SPSB1: variants seen among roughly 807,000 people sequenced by gnomAD.
The protein encoded by SPSB1 is splA/ryanodine receptor domain and SOCS box containing 1.
A neutral mutation model predicts 21.2 loss-of-function variants in SPSB1; 8 were observed. That is an observed-to-expected ratio of 0.38 (90% CI 0.22 to 0.68). The LOEUF is 0.68. SPSB1 is among the 30% of genes least tolerant of loss of function. SPSB1 has a pLI of 0.53. For synonymous variants in SPSB1, 169 were observed against 161.7 expected, an observed-to-expected ratio of 1.05 and a Z score of -0.34; for missense variants, 242 against 377.8, an observed-to-expected ratio of 0.64 and a Z score of 2.98.
In SPSB1 at chr1:9,345,517, C is replaced by T. The variant is rs151179247; in HGVS notation, c.-149-10226C>T. ...CTTTTGGGAAGGTTGCTGTGTGTCCCTGGGGTCCCTCAAGAACTGGCTTCT... is the reference window on the plus strand; with the variant it reads ...CTTTTGGGAAGGTTGCTGTGTGTCCTTGGGGTCCCTCAAGAACTGGCTTCT... On this transcript the variant is annotated intron_variant, in intron 1 of 2. Transcript: ENST00000328089. The surrounding 1 kb of genome is among the most constrained non-coding windows in gnomAD (Gnocchi z 4.8). Among the ~76,000 whole-genome samples, 493 of 152,324 alleles carry T rather than the reference C, an allele frequency of 3.2e-3. 4 individuals are homozygous for T. The highest frequency in any genetic ancestry group is 0.011 in the African/African-American group (448 of 41,580).
At chr1:9,301,758 A>G (rs558196361) in intron 1 of SPSB1, among the ~76,000 whole-genome samples, 15 of 152,330 alleles carry the variant, frequency 9.8e-5, no homozygotes, top group African/African-American at 3.1e-4. Flanking sequence ...CGACCTGGCT[A>G]TGGCTACCAC....
intron 1 of SPSB1, among the ~76,000 whole-genome samples, chr1:9,312,307 ACG>A (rs1639533582): frequency 6.6e-6 from 1 of 152,036 alleles, no homozygotes; most frequent in African/African-American, 2.4e-5. Context: ...GATTACAGGC[ACG>A]AGCCATTGTG....
rs558821925 is a variant in SPSB1, at chr1:9,344,360, C to T, written c.-149-11383C>T. ...GGTTGGGACCCCACTTTGAGAACCA[C>T]TCCTGTAAAACAGGGCCTTTCCATC... On this transcript the variant is annotated intron_variant, in intron 1 of 2. Coordinates refer to ENST00000328089, the MANE Select transcript of SPSB1 (RefSeq NM_025106.4). 2.6e-5 allele frequency among the ~76,000 whole-genome samples: 4 copies of T among 152,324 alleles called. No homozygotes were observed. The East Asian group carries it at 5.8e-4, about 22-fold the overall frequency.
At position 9,356,664 on chromosome 1, in the gene SPSB1, A is replaced by G; in HGVS notation, c.694+79A>G. The G allele has an allele frequency of 6.6e-7, 1 of 1,511,632 alleles. No individual in the cohort carries two copies. The highest frequency in any genetic ancestry group is 2.2e-5 in the Admixed American group (1 of 45,556). 93.6% of individuals were successfully genotyped at this position (1,511,632 alleles called of 1,614,324 possible). The stretch of plus-strand genomic sequence containing the variant: ...CTGGCTGGGCTCAGGCCAAAAGTTG[A>G]TTCATTGGAACTAGAGTGTTTTGAA... On this transcript the variant is annotated intron_variant, in intron 2 of 2. Transcript: ENST00000328089. The surrounding 1 kb of genome is among the most constrained non-coding windows in gnomAD (Gnocchi z 7.4).
At position 9,310,679 on chromosome 1, in the gene SPSB1, G is replaced by T. The variant is rs369470511; in HGVS notation, c.-150+17608G>T. Among the ~76,000 whole-genome samples, 84 of 152,008 alleles carry T rather than the reference G, an allele frequency of 5.5e-4. 2 individuals are homozygous for T. Among genetic ancestry groups the T allele is most frequent in the Non-Finnish European group, 8.7e-4 (59 of 67,980 alleles). On this transcript the variant is annotated intron_variant, in intron 1 of 2. Coordinates refer to ENST00000328089, the MANE Select transcript of SPSB1 (RefSeq NM_025106.4). ...CACTGCACTACAGCCTGGGCAATGG[G>T]AGTTAGACCTTGTCTTAAAAAAAAA...
chr1:9,350,136 TAC>T (rs1640233356), intron 1 of SPSB1, among the ~76,000 whole-genome samples: 2 of 152,076 alleles, frequency 1.3e-5, no homozygotes, highest in East Asian at 1.9e-4. Context: ...CCCGCACAGG[TAC>T]ACACACACAT....
Position 9,305,332 on chromosome 1 carries a change from G to T in SPSB1, c.-150+12261G>T, listed in dbSNP as rs1639393838. 6.6e-6 allele frequency among the ~76,000 whole-genome samples: 1 copy of T among 152,126 alleles called. No homozygotes were observed. The highest frequency in any genetic ancestry group is 1.5e-5 in the Non-Finnish European group (1 of 68,016). On this transcript the variant is annotated intron_variant, in intron 1 of 2. Coordinates refer to ENST00000328089, the MANE Select transcript of SPSB1 (RefSeq NM_025106.4). The surrounding 1 kb of genome is among the most constrained non-coding windows in gnomAD (Gnocchi z 4.8). ...TCAGCAGGTAGCCCTGCCATCCACG[G>T]TCCACCCTGTCACCCAGACACATGC... is the stretch of plus-strand genomic sequence containing the variant.
chr1:9,320,698 G>A (rs1328854413), intron 1 of SPSB1, among the ~76,000 whole-genome samples: 4 of 152,186 alleles, frequency 2.6e-5, no homozygotes, highest in Admixed American at 6.5e-5. Flanking sequence ...ACTTAGGGTC[G>A]TGACTGCACC....
intron 1 of SPSB1, among the ~76,000 whole-genome samples, chr1:9,300,590 T>C (rs1557443947): frequency 6.6e-6 from 1 of 152,194 alleles, no homozygotes; most frequent in Non-Finnish European, 1.5e-5. Flanking sequence ...TGGACCCTAG[T>C]AGAGACTTAA....
At chr1:9,365,017 C>T (rs1032398827) in intron 2 of SPSB1, among the ~76,000 whole-genome samples, 1 of 152,098 alleles carries the variant, frequency 6.6e-6, no homozygotes, top group Non-Finnish European at 1.5e-5. Flanking sequence ...ATGCCTGGCT[C>T]ATTTTTGTAT....
intron 1 of SPSB1, among the ~76,000 whole-genome samples, chr1:9,333,990 A>G (rs1639965761): frequency 6.6e-6 from 1 of 152,204 alleles, no homozygotes. Flanking sequence ...GACTCCATTC[A>G]TCACCTAATC....
At chr1:9,303,876 T>C (rs1391855357) in intron 1 of SPSB1, among the ~76,000 whole-genome samples, 2 of 152,220 alleles carry the variant, frequency 1.3e-5, no homozygotes, top group Non-Finnish European at 1.5e-5. Flanking sequence ...TGGTAAAGCA[T>C]TGATGATTCT....
rs748979653 is a variant in SPSB1 at position 9,309,283 on chromosome 1, TGAGAGAGA to T, written c.-150+16224_-150+16231del. Reference sequence around the variant, plus strand: ...TGCGGAGAGAGAGAGAGAGAGAGTGTGAGAGAGAGAGAGAGAGAGTGTGTGTGTGTGTG... The same window carrying T: ...TGCGGAGAGAGAGAGAGAGAGAGTGTGAGAGAGAGAGTGTGTGTGTGTGTG... On this transcript the variant is annotated intron_variant, in intron 1 of 2. Coordinates refer to ENST00000328089, the MANE Select transcript of SPSB1 (RefSeq NM_025106.4). 3.4e-3 allele frequency among the ~76,000 whole-genome samples: 468 copies of T among 137,724 alleles called. 2 individuals are homozygous for T. The highest frequency in any genetic ancestry group is 0.013 in the African/African-American group (445 of 35,494). 90.4% of individuals were successfully genotyped at this position (137,724 alleles called of 152,430 possible).
chr1:9,350,629 C>T (rs1442644033), intron 1 of SPSB1, among the ~76,000 whole-genome samples: 1 of 152,166 alleles, frequency 6.6e-6, no homozygotes, highest in East Asian at 1.9e-4. Context: ...TGGTGGGTGG[C>T]GGTGGCAGCA....
Position 9,324,969 on chromosome 1 carries a change from T to C in SPSB1, c.-149-30774T>C, listed in dbSNP as rs997326991. Among the ~76,000 whole-genome samples, 13 of 152,270 alleles carry C rather than the reference T, an allele frequency of 8.5e-5. No individual in the cohort carries two copies. Among genetic ancestry groups the C allele is most frequent in the Admixed American group, 2.0e-4 (3 of 15,302 alleles). On this transcript the variant is annotated intron_variant, in intron 1 of 2. Transcript: ENST00000328089. This position sits in a 1 kb window ranked among gnomAD's most constrained non-coding sequence, Gnocchi z 4.3. ...GGCGGGCTGGTGGATCGGAGGCGCC[T>C]GTGAGCGGGTCAGTACTGGGTAGGC...
At chr1:9,327,697 A>G (rs1384813485) in intron 1 of SPSB1, among the ~76,000 whole-genome samples, 1 of 152,190 alleles carries the variant, frequency 6.6e-6, no homozygotes, top group East Asian at 1.9e-4. Context: ...TAAGGTCTCA[A>G]CCAAGGGTCA....
At chr1:9,296,483 G>A (rs1639227731) in intron 1 of SPSB1, among the ~76,000 whole-genome samples, 1 of 152,184 alleles carries the variant, frequency 6.6e-6, no homozygotes, top group African/African-American at 2.4e-5. Context: ...ACCAAAGTTA[G>A]AGGCAGAGTA....
chr1:9,335,489 G>A (rs12087739), intron 1 of SPSB1, among the ~76,000 whole-genome samples: 10,176 of 138,020 alleles, frequency 0.074, 1,133 homozygotes, highest in African/African-American at 0.25. Flanking sequence ...GTGACAGAGC[G>A]AGTCTCTGTC....
chr1:9,312,906 C>T (rs758734781), intron 1 of SPSB1, among the ~76,000 whole-genome samples: 4 of 152,132 alleles, frequency 2.6e-5, no homozygotes, highest in Admixed American at 1.3e-4. Context: ...CAAAGCCAGG[C>T]CCAAGAACAT....
Sources: allele counts gnomAD v4.1 joint callset (sites outside exome capture counted in the v4.1 genomes callset), GRCh38; gene constraint gnomAD v4.1.1; non-coding constraint Gnocchi (gnomAD v3.1); transcripts MANE v1.5; gene names NCBI Gene and HGNC (gene_info 2026-07-23, HGNC 2026-07-21).